C17orf78: variants seen among roughly 807,000 people sequenced by gnomAD.
C17orf78 encodes uncharacterized protein C17orf78.
Under a neutral mutation model 31.8 loss-of-function variants are expected in C17orf78, and 27 were observed. The ratio of observed to expected loss-of-function variants is 0.85; its 90% CI spans 0.63 to 1.17. The LOEUF is 1.17. Ranked by LOEUF, C17orf78 falls within the 50% of genes most tolerant of loss-of-function variation. The pLI, the probability that C17orf78 is intolerant of heterozygous loss-of-function variation, is 0.00. For synonymous variants in C17orf78, 106 were observed against 115.1 expected, an observed-to-expected ratio of 0.92 and a Z score of 0.51; for missense variants, 258 against 315.2, an observed-to-expected ratio of 0.82 and a Z score of 1.37.
At chr17:37,387,202 C>T (rs566939828) in intron 4 of C17orf78, 9 of 152,366 alleles carry the variant, frequency 5.9e-5, no homozygotes, top group Non-Finnish European at 1.2e-4. Context: ...TCACCACAAC[C>T]TCCCCCTCCT....
chr17:37,390,251 TA>T (rs2050766918), intron 6 of C17orf78, among the ~76,000 whole-genome samples: 2 of 32,952 alleles, frequency 6.1e-5, no homozygotes, highest in South Asian at 2.0e-3. Flanking sequence ...ATTATATATA[TA>T]TTATATATAA....
Position 37,386,094 on chromosome 17 carries a change from G to T in C17orf78, c.477G>T (p.Gly159=). 6.3e-7 allele frequency: 1 copy of T among 1,593,760 alleles called. No individual in the cohort carries two copies. The highest frequency in any genetic ancestry group is 1.1e-5 in the South Asian group (1 of 88,936). Residue 159 remains glycine (G), a synonymous_variant, in exon 4 of 7, where the codon GGG becomes GGT. Coordinates refer to ENST00000615133, the MANE Select transcript of C17orf78 (RefSeq NM_173625.5). ...CCACTGCCCCTTCTATAACTCCTGG[G>T]AATAAAGAAGGAGAGAAAACTACAA... The part of the protein sequence containing the change: ...FPTTAPSITP[G]NKEGEKTTST...
intron 1 of C17orf78, 122 bp from the exon 2 acceptor site, chr17:37,377,757 G>A: frequency 3.3e-6 from 2 of 609,406 alleles, no homozygotes; most frequent in Non-Finnish European, 5.6e-6. Flanking sequence ...AGTTTTATGA[G>A]CAGGAACTGC....
intron 6 of C17orf78, among the ~76,000 whole-genome samples, chr17:37,390,793 C>CAAAAA (rs534003529): frequency 1.8e-5 from 2 of 113,366 alleles, no homozygotes; most frequent in African/African-American, 6.6e-5. Context: ...ACCCTGTGTC[C>CAAAAA]AAAAAAAAAA....
chr17:37,384,121 G>A lies in C17orf78; in HGVS notation c.392-1888G>A, dbSNP rs551875582. On this transcript the variant is annotated intron_variant, in intron 3 of 6. Transcript: ENST00000615133. ...TCTACTAAAAATACAAAAATTAGCC[G>A]GGTGTAGTGGTGTGCGCCTGTTGTC... Among the ~76,000 whole-genome samples the A allele has an allele frequency of 1.1e-4, 16 of 152,228 alleles. No homozygotes were observed. In the East Asian group the frequency reaches 1.7e-3, roughly 17 times the overall value.
Position 37,381,890 on chromosome 17 carries a change from G to C in C17orf78, c.391+2508G>C, listed in dbSNP as rs193284742. On this transcript the variant is annotated intron_variant, in intron 3 of 6. Coordinates refer to ENST00000615133, the MANE Select transcript of C17orf78 (RefSeq NM_173625.5). ...GATCTGCCCGCCTTGGCCTCCCAAA[G>C]TGCTGGGATTACAGGCGTGAGCCAC... Among the ~76,000 whole-genome samples, 480 of 151,590 alleles carry C rather than the reference G, an allele frequency of 3.2e-3. 4 individuals carry two copies. Among genetic ancestry groups the C allele is most frequent in the African/African-American group, 9.8e-3 (403 of 41,028 alleles).
At chr17:37,381,919 A>ATG (rs2050307391) in intron 3 of C17orf78, among the ~76,000 whole-genome samples, 2 of 151,896 alleles carry the variant, frequency 1.3e-5, no homozygotes, top group South Asian at 2.1e-4. Flanking sequence ...GAGCCACTGC[A>ATG]CCCGGCCATG....
At chr17:37,389,507 C>CA in intron 6 of C17orf78, 145 bp downstream of exon 6, 1 of 1,203,482 alleles carries the variant, frequency 8.3e-7, no homozygotes. Context: ...GCCTGACCAA[C>CA]ATGACGAAAC....
At chr17:37,381,920 C>T (rs750849884) in intron 3 of C17orf78, among the ~76,000 whole-genome samples, 1 of 152,152 alleles carries the variant, frequency 6.6e-6, no homozygotes, top group Non-Finnish European at 1.5e-5. Context: ...AGCCACTGCA[C>T]CCGGCCATGT....
At position 37,391,960 on chromosome 17, in the gene C17orf78, TC is replaced by T; in HGVS notation, c.*240del. 1.9e-6 allele frequency: 1 copy of T among 536,198 alleles called. No individual in the cohort carries two copies. Among genetic ancestry groups the T allele is most frequent in the South Asian group, 2.9e-5 (1 of 34,404 alleles). The allele number at this position is 536,198 out of a possible 1,614,324, so 33.2% of individuals were successfully genotyped here. The stretch of plus-strand genomic sequence containing the variant: ...ATCCATCTAAATGGATACCTTTCCA[TC>T]CCCTCAAACGAGAACAAAAAGTATT... On this transcript the variant is annotated 3_prime_UTR_variant, in exon 7 of 7. Coordinates refer to ENST00000615133, the MANE Select transcript of C17orf78 (RefSeq NM_173625.5).
intron 6 of C17orf78, among the ~76,000 whole-genome samples, chr17:37,390,330 A>AATATATATATATATATATATC (rs1244676462): frequency 2.4e-5 from 1 of 41,592 alleles, no homozygotes; most frequent in Non-Finnish European, 3.7e-5. Context: ...ATATATATAT[A>AATATATATATATATATATATC]TATAAAAGGC....
At chr17:37,387,623 TTTTAGTAGAGACGGG>T in intron 4 of C17orf78, 1 of 151,988 alleles carries the variant, frequency 6.6e-6, no homozygotes, top group Non-Finnish European at 1.5e-5. Context: ...ATTTTTGTAT[TTTTAGTAGAGACGGG>T]TTTCACCATG....
chr17:37,377,260 T>C (rs1292301386), intron 1 of C17orf78, among the ~76,000 whole-genome samples: 2 of 152,156 alleles, frequency 1.3e-5, no homozygotes, highest in East Asian at 3.8e-4. Flanking sequence ...ACTTAGTAAA[T>C]TTTCTTAACT....
chr17:37,389,136 A>G, intron 5 of C17orf78, 110 bp from the exon 6 acceptor site: 2 of 1,369,652 alleles, frequency 1.5e-6, no homozygotes, highest in Non-Finnish European at 2.0e-6. Context: ...AGGACTGAAT[A>G]TTTTATTTAG....
intron 3 of C17orf78, among the ~76,000 whole-genome samples, chr17:37,384,027 A>G (rs972694490): frequency 6.6e-6 from 1 of 152,184 alleles, no homozygotes; most frequent in African/African-American, 2.4e-5. Context: ...GCACTTTGGG[A>G]GCCCGAGGCG....
chr17:37,377,960 T>C lies in C17orf78; in HGVS notation c.140T>C (p.Met47Thr). Residue 47 changes from methionine (M) to threonine (T), a missense_variant, in exon 2 of 7, where the codon ATG (methionine) becomes ACG (threonine). Physicochemically the swap from Met to Thr is moderately conservative, Grantham distance 81. Coordinates refer to ENST00000615133, the MANE Select transcript of C17orf78 (RefSeq NM_173625.5). ...KDVRSIRELQ[M>T]QETHTETKRT... The stretch of plus-strand genomic sequence containing the variant: ...GTGAGAAGCATCAGAGAATTGCAAA[T>C]GCAAGGTAGGGAATGGGTCCTTTCT... 1 of 1,612,850 alleles carries C rather than the reference T, an allele frequency of 6.2e-7. No individual in the cohort carries two copies. Among genetic ancestry groups the C allele is most frequent in the South Asian group, 1.1e-5 (1 of 91,034 alleles).
intron 3 of C17orf78, 134 bp downstream of exon 3, chr17:37,379,516 T>TC (rs2147729124): frequency 7.9e-7 from 1 of 1,260,318 alleles, no homozygotes; most frequent in East Asian, 2.5e-5. Flanking sequence ...TTGTTTTTTT[T>TC]CTTGTAAATT....
chr17:37,390,259 ATAAT>A (rs1454766252), intron 6 of C17orf78, among the ~76,000 whole-genome samples: 2 of 68,068 alleles, frequency 2.9e-5, no homozygotes, highest in East Asian at 5.4e-4. Context: ...TATATTATAT[ATAAT>A]TATATATAAT....
In C17orf78 at chr17:37,391,699, C is replaced by T. The variant is rs1568098342; in HGVS notation, c.803C>T (p.Thr268Ile). ...AACCCAAAGAAAGCTGCAGAGATCA[C>T]TGTTATCCACCAGACATACTTCTGA... The part of the protein sequence containing the change: ...SSNPKKAAEI[T>I]VIHQTYF Residue 268 changes from threonine (T) to isoleucine (I), a missense_variant, in exon 7 of 7, where the codon ACT becomes ATT. Physicochemically the swap from Thr to Ile is moderately conservative, Grantham distance 89 (BLOSUM62 -1). Transcript: ENST00000615133. 3 of 1,613,862 alleles carry T rather than the reference C, an allele frequency of 1.9e-6. No individual in the cohort carries two copies. Among genetic ancestry groups the T allele is most frequent in the Admixed American group, 1.7e-5 (1 of 60,016 alleles).
Sources: allele counts gnomAD v4.1 joint callset (sites outside exome capture counted in the v4.1 genomes callset), GRCh38; gene constraint gnomAD v4.1.1; transcripts MANE v1.5; gene names NCBI Gene and HGNC (gene_info 2026-07-23, HGNC 2026-07-21).